MMEL1: variants seen among roughly 807,000 people sequenced by gnomAD.
MMEL1 encodes the protein membrane metalloendopeptidase like 1, also known as membrane metallo-endopeptidase-like 1.
Under a neutral mutation model 117.1 loss-of-function variants are expected in MMEL1, and 98 were observed. That is an observed-to-expected ratio of 0.84 (90% confidence interval 0.71 to 0.99). The LOEUF is 0.99. Among genes scored for constraint, MMEL1 ranks in the 50% least tolerant of loss-of-function variants. MMEL1 has a pLI of 0.00. For synonymous variants in MMEL1, 390 were observed against 415.1 expected (o/e 0.94, Z 0.74); for missense variants, 1,014 against 1,049.1 (o/e 0.97, Z 0.46).
intron 13 of MMEL1, among the ~76,000 whole-genome samples, 181 bp downstream of exon 13, chr1:2,598,026 G>A (rs1045226949): frequency 1.3e-5 from 2 of 152,254 alleles, no homozygotes; most frequent in African/African-American, 2.4e-5. Flanking sequence ...GGTTTTGGCA[G>A]AGCTACGTTC....
intron 2 of MMEL1, among the ~76,000 whole-genome samples, chr1:2,625,747 C>T (rs1158035554): frequency 6.6e-6 from 1 of 152,172 alleles, no homozygotes; most frequent in Non-Finnish European, 1.5e-5. Flanking sequence ...GTGGGTCATG[C>T]ACAGCGGCAT....
chr1:2,591,680 C>T, intron 22 of MMEL1, 47 bp from the exon 23 acceptor site: 1 of 1,424,502 alleles, frequency 7.0e-7, no homozygotes, highest in Non-Finnish European at 9.9e-7. Flanking sequence ...GGTGGGGTGG[C>T]CAGGAGGGGT....
chr1:2,608,459 A>G (rs962453708), intron 6 of MMEL1, among the ~76,000 whole-genome samples: 9 of 152,214 alleles, frequency 5.9e-5, no homozygotes, highest in African/African-American at 1.4e-4. Context: ...ACATGCACAC[A>G]CAAGCACATA....
chr1:2,596,659 G>A lies in MMEL1; in HGVS notation c.1303C>T (p.Arg435Cys), dbSNP rs1336716532. Residue 435 changes from arginine to cysteine, a missense_variant, in exon 14 of 24, where the codon CGC becomes TGC. Transcript: ENST00000378412. ...ACGTAGCCCACACATTCACGCCAGC[G>A]CACCTCCTCCACCATTGTGCCAAAC... Reference protein sequence around the residue: ...ALFGTMVEEVRWRECVGYVNS... With the variant: ...ALFGTMVEEVCWRECVGYVNS... The A allele has an allele frequency of 2.7e-5, 43 of 1,612,832 alleles. No homozygotes were observed. The highest frequency in any genetic ancestry group is 1.6e-4 in the Middle Eastern group (1 of 6,084).
At chr1:2,598,321 G>A (rs1254345553) in intron 12 of MMEL1, 21 bp from the exon 13 acceptor site, 2 of 1,611,134 alleles carry the variant, frequency 1.2e-6, no homozygotes, top group Middle Eastern at 1.7e-4. Flanking sequence ...AAGGTAGAGG[G>A]TGAGGGGAGA....
At position 2,595,846 on chromosome 1, in the gene MMEL1, G is replaced by A. The variant is rs1442245002; in HGVS notation, c.1500+163C>T. Among the ~76,000 whole-genome samples the A allele has an allele frequency of 1.3e-5, 2 of 151,590 alleles. No homozygotes were observed. The highest frequency in any genetic ancestry group is 2.9e-5 in the Non-Finnish European group (2 of 67,946). ...TCCCGGGGCTGCCTTCTCCCCGTGGGGTCCTGTCTGCGCCTCCCGGGGCTG... is the reference window on the plus strand; with the variant it reads ...TCCCGGGGCTGCCTTCTCCCCGTGGAGTCCTGTCTGCGCCTCCCGGGGCTG... On this transcript the variant is annotated intron_variant, in intron 15 of 23. Transcript: ENST00000378412. This position sits in a 1 kb window ranked among gnomAD's most constrained non-coding sequence, Gnocchi z 4.8.
chr1:2,617,437 A>G (rs948053521), intron 2 of MMEL1, among the ~76,000 whole-genome samples: 2 of 150,450 alleles, frequency 1.3e-5, no homozygotes, highest in Non-Finnish European at 3.0e-5. Flanking sequence ...AAAAAAAAAA[A>G]AAAAAAAAAA....
intron 4 of MMEL1, among the ~76,000 whole-genome samples, chr1:2,610,945 C>A (rs1041495017): frequency 3.9e-5 from 6 of 152,256 alleles, no homozygotes; most frequent in African/African-American, 1.4e-4. Context: ...AATTTTAAGA[C>A]AAATGCCTGG....
In MMEL1 at chr1:2,591,825, AG is replaced by A. The variant is rs1644720240; in HGVS notation, c.2163+106del. ...CCCTGCCCCTCATGCTTTTCCCCCAAGGGGCCTTCCATGCTGGGCTCTGGTC... is the reference window on the plus strand; with the variant it reads ...CCCTGCCCCTCATGCTTTTCCCCCAAGGGCCTTCCATGCTGGGCTCTGGTC... On this transcript the variant is annotated intron_variant, in intron 22 of 23. Transcript: ENST00000378412. The A allele has an allele frequency of 1.1e-5, 13 of 1,224,856 alleles. No homozygotes were observed. The South Asian group carries it at 1.5e-4, about 14-fold the overall frequency. 75.9% of individuals were successfully genotyped at this position (1,224,856 alleles called of 1,614,324 possible). A position where few individuals can be genotyped will look rare whatever the true frequency, so the allele number is the denominator to read the frequency against.
chr1:2,605,521 G>C, intron 9 of MMEL1, 37 bp downstream of exon 9: 1 of 1,587,426 alleles, frequency 6.3e-7, no homozygotes, highest in East Asian at 2.2e-5. Context: ...GGGGGTGATG[G>C]GGGGGTCATC....
rs772920479 is a variant in MMEL1 at position 2,611,344 on chromosome 1, C to A, written c.233-4G>T. On this transcript the variant is annotated splice_polypyrimidine_tract_variant and splice_region_variant and intron_variant, in intron 3 of 23. Coordinates refer to ENST00000378412, the MANE Select transcript of MMEL1 (RefSeq NM_033467.4). Reference sequence around the variant, plus strand: ...ACCTCTTGGGCCTCTGGGATCCCTGCGGGCAAGGAGCAGCCTGAGCACCGG... The same window carrying A: ...ACCTCTTGGGCCTCTGGGATCCCTGAGGGCAAGGAGCAGCCTGAGCACCGG... 2.0e-6 allele frequency: 3 copies of A among 1,524,892 alleles called. No homozygotes were observed. The highest frequency in any genetic ancestry group is 5.1e-5 in the East Asian group (2 of 39,494). The allele number at this position is 1,524,892 out of a possible 1,614,324, so 94.5% of individuals were successfully genotyped here.
At chr1:2,623,357 A>C (rs1478409650) in intron 2 of MMEL1, among the ~76,000 whole-genome samples, 2 of 152,200 alleles carry the variant, frequency 1.3e-5, no homozygotes, top group African/African-American at 2.4e-5. Flanking sequence ...CGAGGACATC[A>C]AAAGCTGCAA....
chr1:2,605,585 G>C lies in MMEL1; in HGVS notation c.789C>G (p.Tyr263Ter). 2 of 1,613,194 alleles carry C rather than the reference G, an allele frequency of 1.2e-6. No homozygotes were observed. Among genetic ancestry groups the C allele is most frequent in the Non-Finnish European group, 1.7e-6 (2 of 1,179,538 alleles). The change falls in exon 9 of 24, where the codon TAC (tyrosine) becomes TAG (stop). Residue 263 changes from tyrosine (Y) to a stop codon, truncating the protein, a stop_gained. Transcript: ENST00000378412. LOFTEE classifies it high-confidence loss of function. ...QPTLGMPSRE[Y>*]YFNGGSNRKV... The stretch of plus-strand genomic sequence containing the variant: ...TCCGGTTGCTGCCGCCGTTGAAGTA[G>C]TACTCTCGGGAGGGCATGCCCAAGG...
intron 1 of MMEL1, among the ~76,000 whole-genome samples, chr1:2,631,931 C>T (rs1024483939): frequency 6.6e-6 from 1 of 152,186 alleles, no homozygotes; most frequent in Non-Finnish European, 1.5e-5. Flanking sequence ...GGCCCAGGGG[C>T]CTGTAACTAG....
chr1:2,607,686 G>A (rs1353810724), intron 6 of MMEL1, among the ~76,000 whole-genome samples: 8 of 152,182 alleles, frequency 5.3e-5, no homozygotes, highest in Admixed American at 1.3e-4. Context: ...CAGGTGCCCC[G>A]TCAGGTCAAA....
chr1:2,596,097 AGTT>A lies in MMEL1; in HGVS notation c.1409_1411del (p.Glu470_Leu471delinsVal). On this transcript the variant is annotated inframe_deletion, in exon 15 of 24. Coordinates refer to ENST00000378412, the MANE Select transcript of MMEL1 (RefSeq NM_033467.4). ...AAACACTGTCCGCACCTTGTCAATG[AGTT>A]CTCTGACCTGGGAATCGGGCATGGC... The A allele has an allele frequency of 1.2e-6, 2 of 1,613,854 alleles. No homozygotes were observed. The highest frequency in any genetic ancestry group is 3.3e-5 in the Admixed American group (2 of 60,004).
At chr1:2,632,286 C>A (rs1052114948) in intron 1 of MMEL1, among the ~76,000 whole-genome samples, 4 of 152,204 alleles carry the variant, frequency 2.6e-5, no homozygotes, top group African/African-American at 9.7e-5. Flanking sequence ...AACGTCAGCT[C>A]CACGGGCAGG....
At chr1:2,630,951 G>A (rs746154401) in intron 1 of MMEL1, among the ~76,000 whole-genome samples, 3 of 151,818 alleles carry the variant, frequency 2.0e-5, no homozygotes, top group Non-Finnish European at 2.9e-5. Context: ...ATGCACGTGT[G>A]TGCGTGTACG....
In MMEL1 at chr1:2,619,655, CAAAAA is replaced by C. The variant is rs58007311; in HGVS notation, c.155-7456_155-7452del. ...CCTGGGCGACAGAGTGAGACTCTAT[CAAAAA>C]AAAAAAAAAAAAAAATCAAAAGCAA... On this transcript the variant is annotated intron_variant, in intron 2 of 23. Transcript: ENST00000378412. Among the ~76,000 whole-genome samples, 375 of 119,774 alleles carry C rather than the reference CAAAAA, an allele frequency of 3.1e-3. 5 individuals are homozygous for C. In the South Asian group the frequency reaches 0.032, roughly 10 times the overall value. 78.6% of individuals were successfully genotyped at this position (119,774 alleles called of 152,430 possible).
Sources: gnomAD v4.1 joint callset for allele counts (sites outside exome capture counted in the v4.1 genomes callset) on GRCh38, gnomAD v4.1.1 for gene constraint, Gnocchi (gnomAD v3.1) non-coding constraint, MANE v1.5 for transcripts, NCBI Gene and HGNC (gene_info 2026-07-23, HGNC 2026-07-21) for gene names.